The following LINGO2 variants were observed in gnomAD, a reference collection of about 807,000 sequenced individuals.
The protein encoded by LINGO2 is leucine-rich repeat and immunoglobulin-like domain-containing nogo receptor-interacting protein 2.
In LINGO2, 14 loss-of-function variants were observed where a neutral mutation model predicts 30.6. That is an observed-to-expected ratio of 0.46 (90% confidence interval 0.30 to 0.72). LINGO2 has a LOEUF of 0.72. Among genes scored for constraint, LINGO2 ranks in the 30% least tolerant of loss-of-function variants. The pLI is 0.07. For synonymous variants in LINGO2, 317 were observed against 288.5 expected (o/e 1.10, Z -1.00); for missense variants, 729 against 751.7 (o/e 0.97, Z 0.35).
chr9:28,468,737 A>G (rs1825407711), intron 2 of LINGO2, among the ~76,000 whole-genome samples: 1 of 152,172 alleles, frequency 6.6e-6, no homozygotes, highest in Non-Finnish European at 1.5e-5. Flanking sequence ...GCATACACAC[A>G]TGCTCAGACA....
intron 1 of LINGO2, among the ~76,000 whole-genome samples, chr9:28,535,238 C>T (rs982155411): frequency 6.6e-6 from 1 of 152,000 alleles, no homozygotes; most frequent in Admixed American, 6.6e-5. Context: ...GAAAAGTGTG[C>T]CTTACGAGAA....
At chr9:29,013,390 G>GTT in the LINGO2 span, among the ~76,000 whole-genome samples, 171 of 149,998 alleles carry the variant, frequency 1.1e-3, no homozygotes, top group Admixed American at 1.4e-3. Context: ...TTTATTATGA[G>GTT]TTTTTTTTTT....
the LINGO2 span, among the ~76,000 whole-genome samples, chr9:29,134,003 G>A: frequency 6.6e-6 from 1 of 152,034 alleles, no homozygotes; most frequent in Non-Finnish European, 1.5e-5. Context: ...ATAATATAAG[G>A]CTCTATACTT....
chr9:28,858,801 A>AT, the LINGO2 span, among the ~76,000 whole-genome samples: 9 of 152,128 alleles, frequency 5.9e-5, no homozygotes. Flanking sequence ...GCAATAATGC[A>AT]TTTTAAAAAA....
At chr9:28,255,900 CTTA>C (rs1822367640) in intron 4 of LINGO2, among the ~76,000 whole-genome samples, 3 of 152,134 alleles carry the variant, frequency 2.0e-5, no homozygotes, top group Non-Finnish European at 2.9e-5. Context: ...TGCTTTGTAA[CTTA>C]TTATGTATGT....
chr9:28,374,759 C>T lies in LINGO2; in HGVS notation c.-278-1891G>A, dbSNP rs193260096. On this transcript the variant is annotated intron_variant, in intron 2 of 5. Coordinates refer to ENST00000379992, the Ensembl canonical transcript of LINGO2. ...ATATTCTATAATAACCATTTTACTC[C>T]GCTTTCACAAATGAGAAAATTGAGT... 1.5e-4 allele frequency among the ~76,000 whole-genome samples: 23 copies of T among 152,128 alleles called. No homozygotes were observed. The East Asian group carries it at 2.3e-3, about 15-fold the overall frequency.
intron 3 of LINGO2, among the ~76,000 whole-genome samples, chr9:28,312,428 T>A (rs1258240360): frequency 6.6e-6 from 1 of 151,938 alleles, no homozygotes; most frequent in Admixed American, 6.6e-5. Flanking sequence ...ATTATTAAAA[T>A]TTTCAGGAAA....
intron 5 of LINGO2, among the ~76,000 whole-genome samples, chr9:27,967,872 G>A (rs764536915): frequency 1.3e-5 from 2 of 152,068 alleles, no homozygotes; most frequent in Non-Finnish European, 2.9e-5. Flanking sequence ...TTCCTAGGTG[G>A]TATAAATGCA....
intron 2 of LINGO2, among the ~76,000 whole-genome samples, chr9:28,466,908 T>C (rs1462561255): frequency 1.3e-5 from 2 of 152,160 alleles, no homozygotes; most frequent in Non-Finnish European, 2.9e-5. Context: ...TACAAACTGG[T>C]TAAAAATGAC....
At chr9:28,652,584 C>T (rs1828151179) in intron 1 of LINGO2, among the ~76,000 whole-genome samples, 1 of 151,890 alleles carries the variant, frequency 6.6e-6, no homozygotes, top group South Asian at 2.1e-4. Flanking sequence ...AGAATTCTTA[C>T]AAAACCATAC....
intron 3 of LINGO2, among the ~76,000 whole-genome samples, chr9:28,368,742 G>A (rs1026404502): frequency 3.3e-5 from 5 of 151,852 alleles, no homozygotes; most frequent in South Asian, 2.1e-4. Context: ...GACTACAGGC[G>A]CCCGCCACCA....
intron 4 of LINGO2, among the ~76,000 whole-genome samples, chr9:28,189,291 G>A (rs796235899): frequency 2.5e-5 from 1 of 39,874 alleles, no homozygotes; most frequent in African/African-American, 7.1e-5. Flanking sequence ...GAGGGAGGGA[G>A]GAAGGAAGGA....
At chr9:27,960,973 T>C (rs1819814978) in intron 5 of LINGO2, among the ~76,000 whole-genome samples, 2 of 152,290 alleles carry the variant, frequency 1.3e-5, no homozygotes, top group South Asian at 4.1e-4. Flanking sequence ...TGGTCTCCAA[T>C]TTATAATGGT....
At chr9:28,059,457 T>C (rs1825073110) in intron 4 of LINGO2, among the ~76,000 whole-genome samples, 1 of 152,082 alleles carries the variant, frequency 6.6e-6, no homozygotes, top group Middle Eastern at 3.2e-3. Flanking sequence ...GTGTTGGGTC[T>C]GATCACCCCA....
At chr9:28,609,723 G>A (rs1413776897) in intron 1 of LINGO2, among the ~76,000 whole-genome samples, 1 of 151,926 alleles carries the variant, frequency 6.6e-6, no homozygotes, top group Non-Finnish European at 1.5e-5. Flanking sequence ...CACAATGTCA[G>A]GTGCACATTC....
the LINGO2 span, among the ~76,000 whole-genome samples, chr9:29,125,392 G>T: frequency 1.3e-5 from 2 of 151,968 alleles, no homozygotes; most frequent in South Asian, 2.1e-4. Context: ...AACCCTGCAC[G>T]TTCTGCACAT....
At chr9:28,639,739 A>C (rs1334936627) in intron 1 of LINGO2, among the ~76,000 whole-genome samples, 1 of 152,058 alleles carries the variant, frequency 6.6e-6, no homozygotes, top group Admixed American at 6.6e-5. Flanking sequence ...GGGTCTCCTG[A>C]ATATAGCACA....
intron 5 of LINGO2, among the ~76,000 whole-genome samples, chr9:27,976,483 T>C (rs1820600887): frequency 6.6e-6 from 1 of 152,088 alleles, no homozygotes; most frequent in Non-Finnish European, 1.5e-5. Context: ...AAAATAGCTA[T>C]AATTTTATAT....
chr9:28,274,611 T>A (rs187320961), intron 4 of LINGO2, among the ~76,000 whole-genome samples: 3 of 152,220 alleles, frequency 2.0e-5, no homozygotes, highest in Non-Finnish European at 2.9e-5. Context: ...TTCAGTAGAA[T>A]GTTATTTCTT....
Sources: allele counts gnomAD v4.1 joint callset (sites outside exome capture counted in the v4.1 genomes callset), GRCh38; gene constraint gnomAD v4.1.1; transcripts MANE v1.5; gene names NCBI Gene and HGNC (gene_info 2026-07-23, HGNC 2026-07-21).